TRIO: variants seen among roughly 807,000 people sequenced by gnomAD.
TRIO encodes triple functional domain protein.
Under a neutral mutation model 351.9 loss-of-function variants are expected in TRIO, and 58 were observed. The ratio of observed to expected loss-of-function variants is 0.16; its 90% confidence interval spans 0.13 to 0.21. TRIO has a LOEUF of 0.21. Ranked by LOEUF, TRIO falls within the 10% of genes least tolerant of loss-of-function variation. The probability of loss-of-function intolerance (pLI) is 1.00; values close to 1 mark genes in which losing one functional copy is unlikely to be tolerated. For missense variants in TRIO, 3,201 were observed against 4,027.8 expected (o/e 0.79, Z 5.56); for synonymous variants, 1,758 against 1,595.7 (o/e 1.10, Z -2.42).
intron 1 of TRIO, among the ~76,000 whole-genome samples, chr5:14,198,388 G>T (rs779997744): frequency 6.6e-6 from 1 of 152,086 alleles, no homozygotes. Context: ...ACATTTAATT[G>T]TACTAAGTAT....
At chr5:14,241,145 C>G (rs1034866374) in intron 1 of TRIO, among the ~76,000 whole-genome samples, 2 of 152,286 alleles carry the variant, frequency 1.3e-5, no homozygotes, top group East Asian at 3.9e-4. Flanking sequence ...TGAAGACTTG[C>G]TAAAACAATT....
intron 1 of TRIO, among the ~76,000 whole-genome samples, chr5:14,209,895 G>A (rs947532219): frequency 1.3e-5 from 2 of 152,236 alleles, no homozygotes; most frequent in African/African-American, 4.8e-5. Context: ...GACAGAGGCA[G>A]TGGCAGAGCA....
intron 7 of TRIO, among the ~76,000 whole-genome samples, chr5:14,300,382 TA>T (rs1327518847): frequency 2.6e-5 from 4 of 152,206 alleles, no homozygotes; most frequent in Non-Finnish European, 5.9e-5. Flanking sequence ...AAAATCATTT[TA>T]AAAAATAGAA....
At chr5:14,456,890 G>A (rs1374417339) in intron 34 of TRIO, among the ~76,000 whole-genome samples, 1 of 152,140 alleles carries the variant, frequency 6.6e-6, no homozygotes, top group African/African-American at 2.4e-5. Context: ...TGTTAATGAT[G>A]GTATTAAGTT....
intron 49 of TRIO, among the ~76,000 whole-genome samples, chr5:14,494,982 A>T (rs533267319): frequency 1.2e-4 from 19 of 152,266 alleles, no homozygotes; most frequent in Non-Finnish European, 2.2e-4. Flanking sequence ...ATCTGGGCAA[A>T]GTAAATTGAA....
At chr5:14,407,653 T>C (rs1748845073) in intron 33 of TRIO, among the ~76,000 whole-genome samples, 2 of 152,242 alleles carry the variant, frequency 1.3e-5, no homozygotes, top group Admixed American at 6.5e-5. Flanking sequence ...ATGACCACTG[T>C]GAGCTAGATC....
Position 14,359,539 on chromosome 5 carries a change from T to C in TRIO, c.2391+8T>C, listed in dbSNP as rs753184771. The C allele has an allele frequency of 6.2e-7, 1 of 1,611,256 alleles. No individual in the cohort carries two copies. Among genetic ancestry groups the C allele is most frequent in the East Asian group, 2.2e-5 (1 of 44,816 alleles). ...GAGAGGGACGCCATCGACGTGAGTG[T>C]CCCGCGGCTGGCGCCTGCCTGCCTG... On this transcript the variant is annotated splice_region_variant and intron_variant, in intron 13 of 56. Transcript: ENST00000344204.
intron 7 of TRIO, among the ~76,000 whole-genome samples, chr5:14,298,015 G>C (rs1027434366): frequency 1.3e-5 from 2 of 152,210 alleles, no homozygotes; most frequent in African/African-American, 4.8e-5. Context: ...TGCAAGGGGT[G>C]GGGGAAAGGG....
intron 1 of TRIO, among the ~76,000 whole-genome samples, chr5:14,243,897 G>A (rs1464195288): frequency 6.6e-6 from 1 of 152,196 alleles, no homozygotes; most frequent in Admixed American, 6.5e-5. Context: ...ACCACTTGCT[G>A]TTCAGCAAAC....
At position 14,377,959 on chromosome 5, in the gene TRIO, T is replaced by G. The variant is rs30770; in HGVS notation, c.3332-53T>G. ...AATAAAAATGAATGGAATTTCGCGGTTGTTTTAATTGATTGCAAGCACCAA... is the reference window on the plus strand; with the variant it reads ...AATAAAAATGAATGGAATTTCGCGGGTGTTTTAATTGATTGCAAGCACCAA... On this transcript the variant is annotated intron_variant, in intron 19 of 56. Transcript: ENST00000344204. 1,132,542 of 1,353,876 alleles carry G rather than the reference T, an allele frequency of 0.84. 476,273 individuals carry two copies. The highest frequency in any genetic ancestry group is 0.97 in the African/African-American group (67,330 of 69,770). The allele number at this position is 1,353,876 out of a possible 1,614,324, so 83.9% of individuals were successfully genotyped here.
chr5:14,160,058 T>TA (rs1267329909), intron 1 of TRIO, among the ~76,000 whole-genome samples: 1 of 152,232 alleles, frequency 6.6e-6, no homozygotes, highest in Non-Finnish European at 1.5e-5. Flanking sequence ...CCAACTCAAT[T>TA]AAAAAAGAGA....
chr5:14,187,318 G>A (rs987654130), intron 1 of TRIO, among the ~76,000 whole-genome samples: 1 of 152,204 alleles, frequency 6.6e-6, no homozygotes, highest in African/African-American at 2.4e-5. Flanking sequence ...TTACGGAAAA[G>A]CAGAAGTTGC....
At chr5:14,451,561 G>T (rs1242023667) in intron 34 of TRIO, among the ~76,000 whole-genome samples, 2 of 152,244 alleles carry the variant, frequency 1.3e-5, no homozygotes, top group East Asian at 1.9e-4. Context: ...GAATAAAAAT[G>T]TGATTTATTG....
At position 14,460,291 on chromosome 5, in the gene TRIO, T is replaced by C. The variant is rs116129312; in HGVS notation, c.5204-728T>C. Among the ~76,000 whole-genome samples, 841 of 152,282 alleles carry C rather than the reference T, an allele frequency of 5.5e-3. 7 individuals are homozygous for C. Among genetic ancestry groups the C allele is most frequent in the African/African-American group, 0.019 (790 of 41,560 alleles). ...TATTTACTTCAGCACATGTGGTAAG[T>C]TTCTCAAGACTGTGAGCAAAGTCCC... On this transcript the variant is annotated intron_variant, in intron 34 of 56. Transcript: ENST00000344204.
intron 12 of TRIO, 96 bp downstream of exon 12, chr5:14,358,443 T>TCTGTCCAGCTG (rs982428187): frequency 1.4e-6 from 2 of 1,451,798 alleles, no homozygotes; most frequent in Non-Finnish European, 1.9e-6. Flanking sequence ...GCTCTGCTTC[T>TCTGTCCAGCTG]CTGTCCAGCT....
chr5:14,457,709 G>C (rs1753464583), intron 34 of TRIO, among the ~76,000 whole-genome samples: 1 of 152,152 alleles, frequency 6.6e-6, no homozygotes, highest in African/African-American at 2.4e-5. Context: ...GAGGCCGCTG[G>C]ATCTGCTGAA....
At position 14,148,698 on chromosome 5, in the gene TRIO, C is replaced by T. The variant is rs185418948; in HGVS notation, c.157+4816C>T. Among the ~76,000 whole-genome samples, 7 of 152,300 alleles carry T rather than the reference C, an allele frequency of 4.6e-5. No individual in the cohort carries two copies. The East Asian group carries it at 1.3e-3, about 29-fold the overall frequency. On this transcript the variant is annotated intron_variant, in intron 1 of 56. Coordinates refer to ENST00000344204, the MANE Select transcript of TRIO (RefSeq NM_007118.4). ...AAGACTTGGATTTGCGGGAGAATCC[C>T]AGTGTATTCTGGTGGAAAGTGCGTG...
In TRIO at chr5:14,494,520, G is replaced by A. The variant is rs184650338; in HGVS notation, c.7880+1706G>A. The stretch of plus-strand genomic sequence containing the variant: ...CCGATGGAGATGTGCAAGGAGATTC[G>A]TGTTGTTTTCTTGCCTGCTAAGACA... On this transcript the variant is annotated intron_variant, in intron 49 of 56. Transcript: ENST00000344204. Among the ~76,000 whole-genome samples, 184 of 152,356 alleles carry A rather than the reference G, an allele frequency of 1.2e-3. 2 individuals are homozygous for A. Among genetic ancestry groups the A allele is most frequent in the Admixed American group, 3.1e-3 (47 of 15,306 alleles).
At chr5:14,358,753 T>G (rs896409375) in intron 12 of TRIO, among the ~76,000 whole-genome samples, 1 of 152,200 alleles carries the variant, frequency 6.6e-6, no homozygotes, top group Non-Finnish European at 1.5e-5. Flanking sequence ...CAGGCCTGCA[T>G]GGGGCGGACA....
Sources: allele counts gnomAD v4.1 joint callset (sites outside exome capture counted in the v4.1 genomes callset), GRCh38; gene constraint gnomAD v4.1.1; transcripts MANE v1.5; gene names NCBI Gene and HGNC (gene_info 2026-07-23, HGNC 2026-07-21).